Variants in RHOU observed in about 807,000 individuals in gnomAD.
RHOU encodes the protein ras homolog family member U, also known as rho-related GTP-binding protein RhoU.
A neutral mutation model predicts 12.6 loss-of-function variants in RHOU; 8 were observed. The ratio of observed to expected loss-of-function variants is 0.64; its 90% confidence interval spans 0.37 to 1.15. The LOEUF is 1.15. RHOU is among the 50% of genes most tolerant of loss of function. The pLI, the probability that RHOU is intolerant of heterozygous loss-of-function variation, is 0.01. For missense variants in RHOU, 258 were observed against 347.0 expected, an observed-to-expected ratio of 0.74 and a Z score of 2.04; for synonymous variants, 161 against 147.4, an observed-to-expected ratio of 1.09 and a Z score of -0.67.
At chr1:228,681,304 T>C in the RHOU span, among the ~76,000 whole-genome samples, 38 of 151,958 alleles carry the variant, frequency 2.5e-4, no homozygotes, top group African/African-American at 8.5e-4. Context: ...GGGGAGTTAA[T>C]AGAAGGGTTA....
the RHOU span, among the ~76,000 whole-genome samples, chr1:228,727,580 C>G: frequency 6.6e-6 from 1 of 152,204 alleles, no homozygotes; most frequent in Non-Finnish European, 1.5e-5. Context: ...TCCATACATT[C>G]ATTCTGAGTC....
the RHOU span, among the ~76,000 whole-genome samples, chr1:228,658,640 C>T: frequency 6.6e-6 from 1 of 152,212 alleles, no homozygotes; most frequent in African/African-American, 2.4e-5. Flanking sequence ...AAGATATATT[C>T]TTAAACAACC....
At chr1:228,658,006 G>T in the RHOU span, among the ~76,000 whole-genome samples, 1 of 152,062 alleles carries the variant, frequency 6.6e-6, no homozygotes, top group African/African-American at 2.4e-5. Context: ...AGTGGCCTGG[G>T]GTGGTGGCTC....
the RHOU span, among the ~76,000 whole-genome samples, chr1:228,673,229 C>G: frequency 6.6e-6 from 1 of 152,200 alleles, no homozygotes; most frequent in African/African-American, 2.4e-5. Context: ...CACCACTAAT[C>G]TAACTCCTTA....
Position 228,743,764 on chromosome 1 carries a change from C to T in RHOU, c.*24C>T. 1 of 1,583,158 alleles carries T rather than the reference C, an allele frequency of 6.3e-7. No individual in the cohort carries two copies. The highest frequency in any genetic ancestry group is 8.6e-7 in the Non-Finnish European group (1 of 1,163,748). On this transcript the variant is annotated 3_prime_UTR_variant, in exon 3 of 3. Transcript: ENST00000366691. The surrounding 1 kb of genome is among the most constrained non-coding windows in gnomAD (Gnocchi z 5.1). ...GATGCTGGCAAGACACCCAGAAAGG[C>T]TATTTTCAGATGAAATCGATATTAG...
the RHOU span, among the ~76,000 whole-genome samples, chr1:228,685,915 A>T: frequency 6.6e-6 from 1 of 152,188 alleles, no homozygotes; most frequent in Non-Finnish European, 1.5e-5. Flanking sequence ...GAATCTGTAA[A>T]TGGAAGCATT....
At chr1:228,650,131 T>C in the RHOU span, 1 of 444,962 alleles carries the variant, frequency 2.2e-6, no homozygotes, top group Non-Finnish European at 4.5e-6. Flanking sequence ...CTAATAACTT[T>C]AAGATCAATG....
chr1:228,646,830 A>G, the RHOU span, among the ~76,000 whole-genome samples: 1 of 151,994 alleles, frequency 6.6e-6, no homozygotes, highest in Non-Finnish European at 1.5e-5. Context: ...TGAAACACAG[A>G]CACACACGGC....
chr1:228,724,841 G>A, the RHOU span, among the ~76,000 whole-genome samples: 1 of 152,120 alleles, frequency 6.6e-6, no homozygotes, highest in Non-Finnish European at 1.5e-5. Context: ...TGGCATGGGT[G>A]CTCTTTCATT....
the RHOU span, among the ~76,000 whole-genome samples, chr1:228,696,060 GTTAATAT>G: frequency 2.0e-5 from 3 of 152,192 alleles, no homozygotes; most frequent in African/African-American, 7.2e-5. Flanking sequence ...CCAAATATAT[GTTAATAT>G]TTAACAGTAT....
the RHOU span, among the ~76,000 whole-genome samples, chr1:228,713,004 T>G: frequency 6.7e-6 from 1 of 149,668 alleles, no homozygotes; most frequent in Non-Finnish European, 1.5e-5. Flanking sequence ...TTTTCTTCCT[T>G]TTTTTTTTAA....
chr1:228,715,774 A>G, the RHOU span, among the ~76,000 whole-genome samples: 1 of 151,650 alleles, frequency 6.6e-6, no homozygotes, highest in East Asian at 1.9e-4. Flanking sequence ...CCCATTAGTA[A>G]TGTGTTTTTA....
At chr1:228,690,483 G>A in the RHOU span, among the ~76,000 whole-genome samples, 16 of 152,016 alleles carry the variant, frequency 1.1e-4, no homozygotes, top group South Asian at 1.7e-3. Flanking sequence ...GCACCACCAC[G>A]CCTGGCTAAT....
At chr1:228,681,705 A>G in the RHOU span, among the ~76,000 whole-genome samples, 1 of 152,138 alleles carries the variant, frequency 6.6e-6, no homozygotes, top group Non-Finnish European at 1.5e-5. Flanking sequence ...GTTGGAGAAG[A>G]AAATAAGATG....
the RHOU span, among the ~76,000 whole-genome samples, chr1:228,730,174 G>A: frequency 2.6e-5 from 4 of 152,356 alleles, no homozygotes; most frequent in African/African-American, 9.6e-5. Context: ...AGGAAGGAGA[G>A]CTTTCACAAG....
the RHOU span, among the ~76,000 whole-genome samples, chr1:228,716,377 T>C: frequency 2.0e-5 from 3 of 152,208 alleles, no homozygotes; most frequent in African/African-American, 7.2e-5. Context: ...ATAATTAATA[T>C]ATACACTCAT....
the RHOU span, among the ~76,000 whole-genome samples, chr1:228,683,528 A>T: frequency 1.3e-5 from 2 of 152,258 alleles, no homozygotes; most frequent in Non-Finnish European, 2.9e-5. Context: ...TACTAAAATG[A>T]TAGAGGAAAA....
chr1:228,680,755 C>T, the RHOU span, among the ~76,000 whole-genome samples: 1 of 152,158 alleles, frequency 6.6e-6, no homozygotes, highest in African/African-American at 2.4e-5. Context: ...ACTAAGCAGG[C>T]CATGAACTGG....
chr1:228,708,064 G>C, the RHOU span, among the ~76,000 whole-genome samples: 1 of 152,164 alleles, frequency 6.6e-6, no homozygotes, highest in African/African-American at 2.4e-5. Flanking sequence ...ATAAGTGATG[G>C]AAGATGAAAT....
Sources: allele counts gnomAD v4.1 joint callset (sites outside exome capture counted in the v4.1 genomes callset), GRCh38; gene constraint gnomAD v4.1.1; non-coding constraint Gnocchi (gnomAD v3.1); transcripts MANE v1.5; gene names NCBI Gene and HGNC (gene_info 2026-07-23, HGNC 2026-07-21).